The following ANXA11 variants were observed in gnomAD, a reference collection of about 807,000 sequenced individuals.
ANXA11 encodes 56 kDa autoantigen.
Under a neutral mutation model 64.7 loss-of-function variants are expected in ANXA11, and 57 were observed. The observed-to-expected ratio is 0.88, with a 90% CI of 0.71 to 1.10. The LOEUF (loss-of-function observed/expected upper bound fraction) is 1.10. Ranked by LOEUF, ANXA11 falls within the 50% of genes least tolerant of loss-of-function variation. The pLI is 0.00. For synonymous variants in ANXA11, 260 were observed against 265.2 expected (o/e 0.98, Z 0.19); for missense variants, 675 against 670.7 (o/e 1.01, Z -0.07).
At chr10:80,187,540 C>T (rs559983521) in intron 1 of ANXA11, among the ~76,000 whole-genome samples, 4 of 148,648 alleles carry the variant, frequency 2.7e-5, no homozygotes, top group South Asian at 2.2e-4. Flanking sequence ...CGCATGTGCG[C>T]GCGTGCACAC....
At chr10:80,163,690 T>C in intron 9 of ANXA11, 77 bp from the exon 10 acceptor site, 1 of 1,367,626 alleles carries the variant, frequency 7.3e-7, no homozygotes, top group Non-Finnish European at 1.0e-6. Context: ...CTATCAAAAG[T>C]GGGTACTGGG....
In ANXA11 at chr10:80,155,762, T is replaced by G; in HGVS notation, c.*91A>C. 1 of 1,255,536 alleles carries G rather than the reference T, an allele frequency of 8.0e-7. No individual in the cohort carries two copies. The highest frequency in any genetic ancestry group is 1.2e-6 in the Non-Finnish European group (1 of 857,688). 77.8% of individuals were successfully genotyped at this position (1,255,536 alleles called of 1,614,324 possible). ...CTAGGACGGTGAATCTCGGGGCTAT[T>G]TGTGGATTTGTTAGAAACAGACATT... On this transcript the variant is annotated 3_prime_UTR_variant, in exon 16 of 16. Coordinates refer to ENST00000422982, the MANE Select transcript of ANXA11 (RefSeq NM_145868.2).
chr10:80,182,152 G>A (rs1376103690), intron 1 of ANXA11, among the ~76,000 whole-genome samples: 3 of 151,330 alleles, frequency 2.0e-5, no homozygotes, highest in Non-Finnish European at 1.5e-5. Context: ...TAGGTGGATC[G>A]ATGTTGCTTC....
intron 8 of ANXA11, among the ~76,000 whole-genome samples, chr10:80,164,937 C>T (rs1227078913): frequency 6.6e-6 from 1 of 152,242 alleles, no homozygotes; most frequent in Non-Finnish European, 1.5e-5. Flanking sequence ...TAGCCCCTCA[C>T]CCAGTATTCC....
chr10:80,173,286 T>C (rs1846049070), intron 2 of ANXA11, among the ~76,000 whole-genome samples: 1 of 152,196 alleles, frequency 6.6e-6, no homozygotes, highest in Non-Finnish European at 1.5e-5. Flanking sequence ...TATCTTCCTG[T>C]GTCCTTATTG....
intron 8 of ANXA11, among the ~76,000 whole-genome samples, chr10:80,164,853 A>G (rs1845662432): frequency 6.6e-6 from 1 of 152,250 alleles, no homozygotes; most frequent in South Asian, 2.1e-4. Context: ...TAGAGCACTT[A>G]GGGCCTGTCA....
chr10:80,172,845 T>C lies in ANXA11; in HGVS notation c.17A>G (p.Tyr6Cys), dbSNP rs1164992592. 1.2e-6 allele frequency: 2 copies of C among 1,613,866 alleles called. No individual in the cohort carries two copies. The highest frequency in any genetic ancestry group is 1.7e-6 in the Non-Finnish European group (2 of 1,179,944). ...TGGGTAGCCACCTGGGGGCGGGGGA[T>C]AGCCAGGGTAGCTCATGGTTAGATC... Reference protein sequence around the residue: MSYPGYPPPPGGYPPA... With the variant: MSYPGCPPPPGGYPPA... Residue 6 changes from tyrosine to cysteine, a missense_variant, in exon 3 of 16, where the codon TAT becomes TGT. Coordinates refer to ENST00000422982, the MANE Select transcript of ANXA11 (RefSeq NM_145868.2).
intron 1 of ANXA11, among the ~76,000 whole-genome samples, chr10:80,180,212 C>T (rs529964640): frequency 6.6e-6 from 1 of 152,332 alleles, no homozygotes; most frequent in African/African-American, 2.4e-5. Flanking sequence ...GCCTCACTGC[C>T]CCGACTCAGT....
chr10:80,177,595 C>T (rs138056826), intron 1 of ANXA11, among the ~76,000 whole-genome samples: 14 of 152,192 alleles, frequency 9.2e-5, no homozygotes, highest in African/African-American at 2.2e-4. Context: ...GTAACCAAGA[C>T]GAAAGGGACA....
intron 1 of ANXA11, among the ~76,000 whole-genome samples, chr10:80,196,332 C>T (rs1433567280): frequency 6.6e-6 from 1 of 152,236 alleles, no homozygotes; most frequent in Non-Finnish European, 1.5e-5. Context: ...GGACAGGCCT[C>T]TCTTCCTGTC....
At position 80,158,043 on chromosome 10, in the gene ANXA11, G is replaced by A. The variant is rs374095377; in HGVS notation, c.1277-18C>T. The stretch of plus-strand genomic sequence containing the variant: ...ACATTTCACTAGAAGAGAGAAACTC[G>A]GCATAACCAGATCTGCAGAAAATTC... On this transcript the variant is annotated intron_variant, in intron 13 of 15. Coordinates refer to ENST00000422982, the MANE Select transcript of ANXA11 (RefSeq NM_145868.2). The A allele has an allele frequency of 2.0e-5, 32 of 1,613,280 alleles. No individual in the cohort carries two copies. Among genetic ancestry groups the A allele is most frequent in the South Asian group, 7.7e-5 (7 of 91,050 alleles).
chr10:80,196,710 AC>A (rs1840185478), intron 1 of ANXA11, among the ~76,000 whole-genome samples: 1 of 152,144 alleles, frequency 6.6e-6, no homozygotes, highest in Admixed American at 6.5e-5. Flanking sequence ...GCAGCACTCC[AC>A]CAACCCTGAC....
At chr10:80,171,377 C>G (rs1845971130) in intron 3 of ANXA11, 1 of 490,842 alleles carries the variant, frequency 2.0e-6, no homozygotes, top group Non-Finnish European at 2.7e-6. Context: ...CTGTAAAAGG[C>G]AGGGAGAAGC....
chr10:80,157,523 T>C lies in ANXA11; in HGVS notation c.1458+118A>G. 8 of 1,501,750 alleles carry C rather than the reference T, an allele frequency of 5.3e-6. No homozygotes were observed. The South Asian group carries it at 8.2e-5, about 15-fold the overall frequency. The allele number at this position is 1,501,750 out of a possible 1,614,324, so 93.0% of individuals were successfully genotyped here. A position where few individuals can be genotyped will look rare whatever the true frequency, so the allele number is the denominator to read the frequency against. ...AGGGGATGAACAAGTCCGAGGTCCA[T>C]AATCAAGATGCCCACACACAGCACA... On this transcript the variant is annotated intron_variant, in intron 15 of 15. Coordinates refer to ENST00000422982, the MANE Select transcript of ANXA11 (RefSeq NM_145868.2).
intron 14 of ANXA11, 69 bp downstream of exon 14, chr10:80,157,898 C>A: frequency 6.2e-7 from 1 of 1,600,996 alleles, no homozygotes; most frequent in Non-Finnish European, 8.6e-7. Flanking sequence ...GCCTTCTGCC[C>A]TCAGCCCTTG....
intron 9 of ANXA11, 107 bp downstream of exon 9, chr10:80,163,946 G>A: frequency 1.1e-6 from 1 of 938,078 alleles, no homozygotes. Context: ...GGGTTGATAA[G>A]AAGGCCAGGA....
intron 12 of ANXA11, among the ~76,000 whole-genome samples, chr10:80,160,841 CCT>C (rs1266553686): frequency 6.6e-6 from 1 of 152,152 alleles, no homozygotes. Context: ...CTACAGTCCC[CCT>C]GTCTCAGTTG....
chr10:80,160,624 GCTC>G (rs142217224), intron 12 of ANXA11, among the ~76,000 whole-genome samples: 1,888 of 152,128 alleles, frequency 0.012, 47 homozygotes, highest in African/African-American at 0.043. Context: ...CTCCCTAGCT[GCTC>G]CTTCTTAGTC....
chr10:80,198,125 C>T (rs1840256629), intron 1 of ANXA11, among the ~76,000 whole-genome samples: 1 of 152,360 alleles, frequency 6.6e-6, no homozygotes, highest in East Asian at 1.9e-4. Context: ...GGAACAGAAG[C>T]TGCCTTGCTT....
Sources: gnomAD v4.1 joint callset for allele counts (sites outside exome capture counted in the v4.1 genomes callset) on GRCh38, gnomAD v4.1.1 for gene constraint, MANE v1.5 for transcripts, NCBI Gene and HGNC (gene_info 2026-07-23, HGNC 2026-07-21) for gene names.